NVL: variants seen among roughly 807,000 people sequenced by gnomAD.
NVL encodes nuclear valosin-containing protein-like.
In NVL, 84 loss-of-function variants were observed where a neutral mutation model predicts 110.2. The ratio of observed to expected loss-of-function variants is 0.76; its 90% CI spans 0.64 to 0.91. NVL has a LOEUF of 0.91. Ranked by LOEUF, NVL falls within the 40% of genes least tolerant of loss-of-function variation. The pLI, the probability that NVL is intolerant of heterozygous loss-of-function variation, is 0.00. For missense variants in NVL, 882 were observed against 1,035.9 expected, an observed-to-expected ratio of 0.85 and a Z score of 2.04; for synonymous variants, 354 against 361.1, an observed-to-expected ratio of 0.98 and a Z score of 0.22.
At chr1:224,236,718 C>T (rs1476763145) in intron 19 of NVL, 136 bp from the exon 20 acceptor site, 1 of 634,462 alleles carries the variant, frequency 1.6e-6, no homozygotes, top group Non-Finnish European at 2.9e-6. Flanking sequence ...CGAGACCAAC[C>T]TGTGGAACAT....
rs536054117 is a variant in NVL, at chr1:224,319,805, A to T, written c.132-1875T>A. ...AATATATTCTTATAAATTATTTATTAATTTCAAATTAATTTACAGTGGATC... is the reference window on the plus strand; with the variant it reads ...AATATATTCTTATAAATTATTTATTTATTTCAAATTAATTTACAGTGGATC... On this transcript the variant is annotated intron_variant, in intron 2 of 22. Coordinates refer to ENST00000281701, the MANE Select transcript of NVL (RefSeq NM_002533.4). Among the ~76,000 whole-genome samples, 13 of 152,278 alleles carry T rather than the reference A, an allele frequency of 8.5e-5. No homozygotes were observed. In the East Asian group the frequency reaches 2.5e-3, roughly 29 times the overall value.
intron 22 of NVL, chr1:224,227,896 A>T: frequency 3.6e-6 from 1 of 280,716 alleles, no homozygotes; most frequent in Non-Finnish European, 7.0e-6. Context: ...ATTAGGGCAC[A>T]GGAGGGAAGA....
At chr1:224,303,879 G>T in intron 8 of NVL, 22 bp from the exon 9 acceptor site, 1 of 1,592,102 alleles carries the variant, frequency 6.3e-7, no homozygotes, top group East Asian at 2.3e-5. Context: ...TAAGCACAAA[G>T]ATGTCTTTCA....
chr1:224,295,953 T>C (rs1667838026), intron 11 of NVL, among the ~76,000 whole-genome samples: 1 of 126,846 alleles, frequency 7.9e-6, no homozygotes, highest in African/African-American at 3.1e-5. Context: ...CAACAGAGAC[T>C]CTGTCTCAAA....
chr1:224,313,179 A>AAAAAAAG (rs1553335858), intron 4 of NVL: 13 of 170,132 alleles, frequency 7.6e-5, no homozygotes, highest in African/African-American at 1.6e-4. Flanking sequence ...AAAAAAAAAA[A>AAAAAAAG]ACAAGCAAAT....
At chr1:224,245,997 C>A (rs988181408) in intron 19 of NVL, among the ~76,000 whole-genome samples, 2 of 151,830 alleles carry the variant, frequency 1.3e-5, no homozygotes, top group East Asian at 3.9e-4. Context: ...AGCTGCAGGG[C>A]TCCTCTCTGT....
At chr1:224,246,403 G>C (rs1661826725) in intron 19 of NVL, among the ~76,000 whole-genome samples, 1 of 152,208 alleles carries the variant, frequency 6.6e-6, no homozygotes, top group South Asian at 2.1e-4. Flanking sequence ...TGAAATTCTA[G>C]ATGAATGAAG....
At chr1:224,314,257 A>C (rs537922751) in intron 4 of NVL, among the ~76,000 whole-genome samples, 1 of 152,252 alleles carries the variant, frequency 6.6e-6, no homozygotes, top group South Asian at 2.1e-4. Context: ...AGATATATGC[A>C]GTAAAGCAGT....
intron 17 of NVL, 109 bp downstream of exon 17, chr1:224,275,230 G>A: frequency 8.2e-7 from 1 of 1,225,986 alleles, no homozygotes; most frequent in East Asian, 2.3e-5. Context: ...TCTTCATTAA[G>A]AGTCTCAATG....
At chr1:224,268,233 T>G in intron 17 of NVL, 100 bp from the exon 18 acceptor site, 2 of 832,650 alleles carry the variant, frequency 2.4e-6, no homozygotes, top group Non-Finnish European at 3.8e-6. Flanking sequence ...GCAAAGGAGA[T>G]AACAATGATA....
At chr1:224,285,955 T>G (rs1457872670) in intron 15 of NVL, 71 bp downstream of exon 15, 1 of 1,178,724 alleles carries the variant, frequency 8.5e-7, no homozygotes, top group Non-Finnish European at 1.2e-6. Context: ...ACTGTAATAT[T>G]TAAAGTTAAG....
intron 12 of NVL, among the ~76,000 whole-genome samples, chr1:224,291,728 T>C (rs948049792): frequency 6.6e-6 from 1 of 152,222 alleles, no homozygotes; most frequent in African/African-American, 2.4e-5. Context: ...AAAAACATCA[T>C]GATAAACCCT....
intron 18 of NVL, among the ~76,000 whole-genome samples, chr1:224,264,870 G>A (rs950939180): frequency 6.6e-6 from 1 of 151,996 alleles, no homozygotes. Flanking sequence ...CCTCAGCCTC[G>A]CAAGTAGCTG....
chr1:224,301,106 C>CA (rs567496040), intron 9 of NVL, among the ~76,000 whole-genome samples: 6,335 of 127,652 alleles, frequency 0.05, 178 homozygotes, highest in East Asian at 0.11. Context: ...AACTCCATCT[C>CA]AAAAAAAAAA....
intron 19 of NVL, among the ~76,000 whole-genome samples, chr1:224,246,900 G>A (rs1287612705): frequency 1.3e-5 from 2 of 151,912 alleles, no homozygotes. Flanking sequence ...AATTAGCAGA[G>A]TGTGGTGGCA....
rs1202754370 is a variant in NVL at position 224,275,286 on chromosome 1, A to G, written c.2082+53T>C. ...AAGAAATACCTGGCTTGGAACATAG[A>G]AAAGGTTTATTGTGCTAAAAGAATC... On this transcript the variant is annotated intron_variant, in intron 17 of 22. Coordinates refer to ENST00000281701, the MANE Select transcript of NVL (RefSeq NM_002533.4). The G allele has an allele frequency of 1.5e-5, 24 of 1,605,028 alleles. No homozygotes were observed. The South Asian group carries it at 2.4e-4, about 16-fold the overall frequency.
Position 224,275,525 on chromosome 1 carries a change from T to C in NVL, c.1963-67A>G, listed in dbSNP as rs1665680664. Reference sequence around the variant, plus strand: ...CTTTGTGGTTTGGGTCAAATGATACTAAACAGTTTTATGTGACATAAACTA... The same window carrying C: ...CTTTGTGGTTTGGGTCAAATGATACCAAACAGTTTTATGTGACATAAACTA... On this transcript the variant is annotated intron_variant, in intron 16 of 22. Transcript: ENST00000281701. 25 of 1,591,856 alleles carry C rather than the reference T, an allele frequency of 1.6e-5. No individual in the cohort carries two copies. The South Asian group carries it at 2.4e-4, about 16-fold the overall frequency.
At chr1:224,307,597 G>T (rs1203395739) in intron 6 of NVL, among the ~76,000 whole-genome samples, 1 of 151,430 alleles carries the variant, frequency 6.6e-6, no homozygotes, top group Non-Finnish European at 1.5e-5. Context: ...TTACATGGGA[G>T]GCTGAGGTGG....
intron 17 of NVL, among the ~76,000 whole-genome samples, chr1:224,273,033 C>CA (rs1223008709): frequency 0.066 from 1,843 of 27,938 alleles, 38 homozygotes; most frequent in East Asian, 0.2. Context: ...GACTCCGTCT[C>CA]AAAAAAAAAC....
Sources: gnomAD v4.1 joint callset for allele counts (sites outside exome capture counted in the v4.1 genomes callset) on GRCh38, gnomAD v4.1.1 for gene constraint, MANE v1.5 for transcripts, NCBI Gene and HGNC (gene_info 2026-07-23, HGNC 2026-07-21) for gene names.